The following ADAM17 variants were observed in gnomAD, a reference collection of about 807,000 sequenced individuals.
ADAM17 encodes the protein disintegrin and metalloproteinase domain-containing protein 17.
ADAM17 carries 39 observed loss-of-function variants against 96.7 expected under a neutral mutation model. The observed-to-expected ratio is 0.40, with a 90% CI of 0.31 to 0.53. The LOEUF (loss-of-function observed/expected upper bound fraction) is 0.53. ADAM17 is among the 20% of genes least tolerant of loss of function. The probability of loss-of-function intolerance (pLI) is 0.44; values close to 1 mark genes in which losing one functional copy is unlikely to be tolerated. For missense variants in ADAM17, 777 were observed against 1,013.2 expected (o/e 0.77, Z 3.17); for synonymous variants, 344 against 359.2 (o/e 0.96, Z 0.48).
At chr2:9,549,808 C>G (rs946864216) in intron 1 of ADAM17, among the ~76,000 whole-genome samples, 2 of 152,118 alleles carry the variant, frequency 1.3e-5, no homozygotes, top group Admixed American at 6.6e-5. Context: ...CGTGAGCCAC[C>G]GCGCCCAGCT....
At chr2:9,505,438 T>C (rs2124999508) in intron 11 of ADAM17, 73 bp from the exon 12 acceptor site, 1 of 1,439,970 alleles carries the variant, frequency 6.9e-7, no homozygotes, top group East Asian at 2.3e-5. Context: ...GTTTGTGTCT[T>C]CTCTAGAGAC....
chr2:9,490,152 TAAGTC>T lies in ADAM17; in HGVS notation c.*20_*24del, dbSNP rs1278771314. ...AATCTATAAAAATATTTTGCACACT[TAAGTC>T]AGAAGAGCTGAGAACTAAATTAGCA... On this transcript the variant is annotated 3_prime_UTR_variant, in exon 19 of 19. Coordinates refer to ENST00000310823, the MANE Select transcript of ADAM17 (RefSeq NM_003183.6). 4 of 1,560,928 alleles carry T rather than the reference TAAGTC, an allele frequency of 2.6e-6. No individual in the cohort carries two copies. The highest frequency in any genetic ancestry group is 3.5e-6 in the Non-Finnish European group (4 of 1,144,788).
rs1330861493 is a variant in ADAM17, at chr2:9,494,799, T to A, written c.1784-32A>T. Reference sequence around the variant, plus strand: ...CAGAGAACACGCATTGACAGCTGGATTGTTCTGAGACCTGCCTCTCCTCCT... The same window carrying A: ...CAGAGAACACGCATTGACAGCTGGAATGTTCTGAGACCTGCCTCTCCTCCT... On this transcript the variant is annotated intron_variant, in intron 14 of 18. Coordinates refer to ENST00000310823, the MANE Select transcript of ADAM17 (RefSeq NM_003183.6). 5.0e-6 allele frequency: 8 copies of A among 1,612,096 alleles called. No homozygotes were observed. The South Asian group carries it at 8.8e-5, about 18-fold the overall frequency.
intron 6 of ADAM17, 119 bp downstream of exon 6, chr2:9,525,992 C>T (rs1228536344): frequency 2.9e-6 from 3 of 1,027,416 alleles, no homozygotes; most frequent in African/African-American, 3.3e-5. Context: ...AGAGAATATC[C>T]CTCAAATATT....
rs896406358 is a variant in ADAM17, at chr2:9,494,906, A to G, written c.1784-139T>C. ...TTTATTTAAATAGCTAATACTATCC[A>G]TAGCCCCCACCAAGGAGTAGTTTCT... On this transcript the variant is annotated intron_variant, in intron 14 of 18. Transcript: ENST00000310823. 31 of 1,017,596 alleles carry G rather than the reference A, an allele frequency of 3.0e-5. No homozygotes were observed. The East Asian group carries it at 8.6e-4, about 28-fold the overall frequency. 63.0% of individuals were successfully genotyped at this position (1,017,596 alleles called of 1,614,324 possible). A position where few individuals can be genotyped will look rare whatever the true frequency, so the allele number is the denominator to read the frequency against.
chr2:9,541,911 G>A (rs1665220094), intron 2 of ADAM17, among the ~76,000 whole-genome samples: 1 of 152,122 alleles, frequency 6.6e-6, no homozygotes. Context: ...GTGGTGCTGT[G>A]CACCTGTAGT....
At position 9,489,161 on chromosome 2, in the gene ADAM17, TTG is replaced by T; in HGVS notation, c.*1014_*1015del. The T allele has an allele frequency of 7.1e-6, 1 of 141,522 alleles. No individual in the cohort carries two copies. Among genetic ancestry groups the T allele is most frequent in the African/African-American group, 2.7e-5 (1 of 37,684 alleles). 8.8% of individuals were successfully genotyped at this position (141,522 alleles called of 1,614,324 possible). On this transcript the variant is annotated 3_prime_UTR_variant, in exon 19 of 19. Transcript: ENST00000310823. ...CATTCAAAACAACCTGTTTTTTTTGTTGTTGTTGTTGTTAAGAAATATCTCAC... is the reference window on the plus strand; with the variant it reads ...CATTCAAAACAACCTGTTTTTTTTGTTTGTTGTTGTTAAGAAATATCTCAC...
chr2:9,496,153 G>A, intron 14 of ADAM17, among the ~76,000 whole-genome samples: 1 of 151,582 alleles, frequency 6.6e-6, no homozygotes, highest in South Asian at 2.1e-4. Flanking sequence ...ATTTGAAATG[G>A]AGTCTCGCTC....
At chr2:9,529,698 C>T (rs927169888) in intron 4 of ADAM17, among the ~76,000 whole-genome samples, 9 of 152,090 alleles carry the variant, frequency 5.9e-5, no homozygotes, top group Admixed American at 6.5e-5. Context: ...CTGCCGGGCG[C>T]GATGGCTCAC....
intron 2 of ADAM17, among the ~76,000 whole-genome samples, chr2:9,537,079 C>T (rs1371319519): frequency 1.3e-5 from 2 of 152,194 alleles, no homozygotes; most frequent in African/African-American, 4.8e-5. Flanking sequence ...AGAACTTATA[C>T]ATTCATCTCT....
rs189490589 is a variant in ADAM17 at position 9,549,084 on chromosome 2, T to C, written c.98-5799A>G. On this transcript the variant is annotated intron_variant, in intron 1 of 18. Transcript: ENST00000310823. Reference sequence around the variant, plus strand: ...CTAATCGTGAAACTTTAAAAAATTATGTATATGGCAGGTCACAGTGGCTCA... The same window carrying C: ...CTAATCGTGAAACTTTAAAAAATTACGTATATGGCAGGTCACAGTGGCTCA... 8.7e-4 allele frequency among the ~76,000 whole-genome samples: 132 copies of C among 152,310 alleles called. 3 individuals are homozygous for C. In the South Asian group the frequency reaches 0.014, roughly 16 times the overall value.
At chr2:9,521,416 G>A in intron 7 of ADAM17, 100 bp from the exon 8 acceptor site, 2 of 859,746 alleles carry the variant, frequency 2.3e-6, no homozygotes, top group African/African-American at 1.7e-5. Context: ...AATCGTTCTA[G>A]AAAAAAAACA....
At chr2:9,550,091 A>G (rs760893501) in intron 1 of ADAM17, among the ~76,000 whole-genome samples, 3 of 152,140 alleles carry the variant, frequency 2.0e-5, no homozygotes, top group Non-Finnish European at 4.4e-5. Flanking sequence ...GCACCCCCCA[A>G]AACACACAGG....
At chr2:9,548,027 A>G (rs1223759264) in intron 1 of ADAM17, among the ~76,000 whole-genome samples, 1 of 151,934 alleles carries the variant, frequency 6.6e-6, no homozygotes, top group African/African-American at 2.4e-5. Context: ...ATATCGTGCC[A>G]CTGCACTCCA....
Position 9,491,140 on chromosome 2 carries a change from C to T in ADAM17, c.2094G>A (p.Leu698=). The part of the protein sequence containing the change: ...SILVHCVDKK[L]DKQYESLSLF... ...GAGACAGAGATTCATACTGTTTATC[C>T]AATTTCTTATCCTAGAAAGAAACAG... Residue 698 remains leucine, a synonymous_variant, in exon 18 of 19, where the codon TTG becomes TTA. Coordinates refer to ENST00000310823, the MANE Select transcript of ADAM17 (RefSeq NM_003183.6). 2 of 1,612,884 alleles carry T rather than the reference C, an allele frequency of 1.2e-6. No homozygotes were observed. Among genetic ancestry groups the T allele is most frequent in the Non-Finnish European group, 1.7e-6 (2 of 1,179,072 alleles).
intron 17 of ADAM17, among the ~76,000 whole-genome samples, chr2:9,492,051 A>C (rs1338545641): frequency 6.6e-6 from 1 of 152,216 alleles, no homozygotes; most frequent in Non-Finnish European, 1.5e-5. Flanking sequence ...ACCCTGAGGA[A>C]GAGCTGCTCT....
chr2:9,490,483 C>G lies in ADAM17; in HGVS notation c.2169G>C (p.Ser723=), dbSNP rs1016756984. The G allele has an allele frequency of 3.1e-6, 5 of 1,613,786 alleles. No individual in the cohort carries two copies. Among genetic ancestry groups the G allele is most frequent in the Admixed American group, 3.3e-5 (2 of 59,984 alleles). The change falls in exon 19 of 19, where the codon TCG becomes TCC. Residue 723 remains serine (S), a synonymous_variant. Coordinates refer to ENST00000310823, the MANE Select transcript of ADAM17 (RefSeq NM_003183.6). ...CAGGAAAGGGTTTGATAATGCGAAC[C>G]GATGCAGAATCCATGCTGCTCAGCA... ...VEMLSSMDSA[S]VRIIKPFPAP... is the part of the protein sequence containing the mutation.
At chr2:9,493,101 T>C in intron 16 of ADAM17, 115 bp from the exon 17 acceptor site, 1 of 794,140 alleles carries the variant, frequency 1.3e-6, no homozygotes, top group Non-Finnish European at 2.0e-6. Flanking sequence ...CTAGACATAC[T>C]ACCGAGAGCA....
chr2:9,536,795 T>G lies in ADAM17; in HGVS notation c.264A>C (p.Glu88Asp). The change falls in exon 3 of 19, where the codon GAA (glutamate) becomes GAC (aspartate). Residue 88 changes from glutamate (E) to aspartate (D), a missense_variant. By Grantham distance (45) the Glu-to-Asp change is conservative. This residue lies in a region of ADAM17 where 134 missense variants were observed against 129.1 expected (regional missense o/e 1.04). Coordinates refer to ENST00000310823, the MANE Select transcript of ADAM17 (RefSeq NM_003183.6). ...HFKLYLTSST[E>D]RFSQNFKVVV... Reference sequence around the variant, plus strand: ...CGACCTTGAAATTTTGTGAAAAACGTTCAGTACTTGATGTCAGGTATAATT... The same window carrying G: ...CGACCTTGAAATTTTGTGAAAAACGGTCAGTACTTGATGTCAGGTATAATT... 6.2e-7 allele frequency: 1 copy of G among 1,614,086 alleles called. No homozygotes were observed. Among genetic ancestry groups the G allele is most frequent in the Non-Finnish European group, 8.5e-7 (1 of 1,179,952 alleles).
Sources: allele counts gnomAD v4.1 joint callset (sites outside exome capture counted in the v4.1 genomes callset), GRCh38; gene constraint gnomAD v4.1.1; regional missense constraint gnomAD v4.1.1; transcripts MANE v1.5; gene names NCBI Gene and HGNC (gene_info 2026-07-23, HGNC 2026-07-21).